Variants in EFTUD2 observed in about 807,000 individuals in gnomAD.
The protein encoded by EFTUD2 is elongation factor Tu GTP binding domain containing 2.
In EFTUD2, 9 loss-of-function variants were observed where a neutral mutation model predicts 114.3. The ratio of observed to expected loss-of-function variants is 0.08; its 90% CI spans 0.05 to 0.14. The LOEUF (loss-of-function observed/expected upper bound fraction) is 0.14, where lower values mean the gene tolerates loss of function less well. EFTUD2 is among the 10% of genes least tolerant of loss of function. The pLI, the probability that EFTUD2 is intolerant of heterozygous loss-of-function variation, is 1.00. For missense variants in EFTUD2, 765 were observed against 1,241.2 expected (o/e 0.62, Z 5.76); for synonymous variants, 449 against 462.3 (o/e 0.97, Z 0.37).
chr17:44,853,769 G>C, intron 23 of EFTUD2, 134 bp from the exon 24 acceptor site: 1 of 1,493,584 alleles, frequency 6.7e-7, no homozygotes, highest in Non-Finnish European at 8.9e-7. Context: ...TCAAATGGGA[G>C]GTGGGCGTTC....
intron 10 of EFTUD2, chr17:44,873,203 G>A (rs191843572): frequency 6.6e-6 from 1 of 152,318 alleles, no homozygotes; most frequent in East Asian, 1.9e-4. Context: ...AGAAATAAAG[G>A]TATGGCTTAT....
At chr17:44,859,048 G>A (rs1188383557) in intron 19 of EFTUD2, 32 bp downstream of exon 19, 10 of 1,457,404 alleles carry the variant, frequency 6.9e-6, no homozygotes, top group East Asian at 2.3e-5. Flanking sequence ...AGTCTGGACC[G>A]TGAACCCAGC....
At chr17:44,857,371 G>A (rs2050575783) in intron 19 of EFTUD2, 1 of 469,232 alleles carries the variant, frequency 2.1e-6, no homozygotes, top group Non-Finnish European at 3.9e-6. Context: ...AAAGAAATTA[G>A]ATTCCTGAGC....
chr17:44,881,924 G>T, intron 6 of EFTUD2: 1 of 547,738 alleles, frequency 1.8e-6, no homozygotes, highest in Non-Finnish European at 3.2e-6. Flanking sequence ...GTGTGTGGAG[G>T]GATTTTTTTA....
At chr17:44,863,919 G>C in intron 14 of EFTUD2, 137 bp from the exon 15 acceptor site, 1 of 1,163,322 alleles carries the variant, frequency 8.6e-7, no homozygotes, top group Non-Finnish European at 1.2e-6. Flanking sequence ...TGGCACTATA[G>C]ATAGTGATAG....
At chr17:44,865,895 T>C (rs2050738984) in intron 13 of EFTUD2, among the ~76,000 whole-genome samples, 1 of 151,842 alleles carries the variant, frequency 6.6e-6, no homozygotes, top group Admixed American at 6.6e-5. Flanking sequence ...CACTGCAACC[T>C]CCACCTCCTG....
At chr17:44,894,281 G>A (rs2051336732) in intron 2 of EFTUD2, 136 bp downstream of exon 2, 1 of 678,834 alleles carries the variant, frequency 1.5e-6, no homozygotes, top group Non-Finnish European at 2.6e-6. Context: ...AAGGTGGGAG[G>A]ATCACTTAAG....
Position 44,857,059 on chromosome 17 carries a change from T to C in EFTUD2, c.2045+16A>G. On this transcript the variant is annotated intron_variant, in intron 20 of 27. Transcript: ENST00000426333. ...CAGGAGGCTGCAGTCCCAGGGACACTGTGCTCCCAGCTTACTTCTTATTAG... is the reference window on the plus strand; with the variant it reads ...CAGGAGGCTGCAGTCCCAGGGACACCGTGCTCCCAGCTTACTTCTTATTAG... The C allele has an allele frequency of 6.2e-7, 1 of 1,610,728 alleles. No homozygotes were observed. The highest frequency in any genetic ancestry group is 8.5e-7 in the Non-Finnish European group (1 of 1,176,984).
chr17:44,870,695 C>T (rs905200866), intron 11 of EFTUD2, among the ~76,000 whole-genome samples: 1 of 152,094 alleles, frequency 6.6e-6, no homozygotes, highest in African/African-American at 2.4e-5. Flanking sequence ...TTTGTAACAT[C>T]TTCTTTTCTC....
At chr17:44,866,288 G>T (rs1246821514) in intron 13 of EFTUD2, among the ~76,000 whole-genome samples, 2 of 152,182 alleles carry the variant, frequency 1.3e-5, no homozygotes, top group Non-Finnish European at 2.9e-5. Context: ...CATCACTCAG[G>T]CTGGAATGCA....
At chr17:44,860,848 C>T (rs1216262616) in intron 16 of EFTUD2, among the ~76,000 whole-genome samples, 2 of 152,116 alleles carry the variant, frequency 1.3e-5, no homozygotes, top group Admixed American at 6.6e-5. Flanking sequence ...ATCCTCCTGC[C>T]TCAGCCTTCC....
At chr17:44,897,802 T>C (rs903075493) in intron 1 of EFTUD2, among the ~76,000 whole-genome samples, 2 of 152,168 alleles carry the variant, frequency 1.3e-5, no homozygotes, top group African/African-American at 2.4e-5. Context: ...TGACCTCAGG[T>C]GATTAGCCCA....
At position 44,855,545 on chromosome 17, in the gene EFTUD2, C is replaced by T. The variant is rs541413540; in HGVS notation, c.2046-541G>A. 1.4e-4 allele frequency among the ~76,000 whole-genome samples: 21 copies of T among 149,164 alleles called. 2 individuals carry two copies. The East Asian group carries it at 3.1e-3, about 22-fold the overall frequency. On this transcript the variant is annotated intron_variant, in intron 20 of 27. Transcript: ENST00000426333. ...ATTGTGCCACTGCACTCCAGCCTGG[C>T]GACCGTGCAAGACTCTGTCTCAAAA... is the stretch of plus-strand genomic sequence containing the variant.
At chr17:44,863,492 C>G (rs947154870) in intron 15 of EFTUD2, 163 bp downstream of exon 15, 7 of 945,984 alleles carry the variant, frequency 7.4e-6, no homozygotes, top group Middle Eastern at 3.5e-4. Context: ...GGTCATAGCA[C>G]TAGCGGTGGC....
At chr17:44,894,067 CAA>C (rs60319837) in intron 2 of EFTUD2, 798 of 157,300 alleles carry the variant, frequency 5.1e-3, no homozygotes, top group South Asian at 0.012. Context: ...GAGACTGTCT[CAA>C]AAAAAAAAAA....
chr17:44,873,611 A>G (rs1405563794), intron 10 of EFTUD2, among the ~76,000 whole-genome samples: 1 of 152,068 alleles, frequency 6.6e-6, no homozygotes, highest in Non-Finnish European at 1.5e-5. Context: ...TGGCCTCCCA[A>G]AGTGCTGGGA....
intron 3 of EFTUD2, 140 bp downstream of exon 3, chr17:44,886,445 A>C (rs2051174626): frequency 7.0e-7 from 1 of 1,433,776 alleles, no homozygotes; most frequent in Non-Finnish European, 9.2e-7. Flanking sequence ...GGATTAACTA[A>C]ATCTTAAACC....
intron 2 of EFTUD2, among the ~76,000 whole-genome samples, chr17:44,889,677 T>C (rs1258535063): frequency 6.6e-6 from 1 of 152,204 alleles, no homozygotes; most frequent in Non-Finnish European, 1.5e-5. Context: ...AATTCCAGCA[T>C]GCCAACCTCT....
At chr17:44,878,461 AG>A (rs1307263387) in intron 9 of EFTUD2, among the ~76,000 whole-genome samples, 1 of 152,196 alleles carries the variant, frequency 6.6e-6, no homozygotes, top group African/African-American at 2.4e-5. Context: ...ACTCTGGATT[AG>A]GGGAAAAAAT....
Sources: gnomAD v4.1 joint callset for allele counts (sites outside exome capture counted in the v4.1 genomes callset) on GRCh38, gnomAD v4.1.1 for gene constraint, MANE v1.5 for transcripts, NCBI Gene and HGNC (gene_info 2026-07-23, HGNC 2026-07-21) for gene names.